Variants in LARGE1 observed in about 807,000 individuals in gnomAD.
The protein encoded by LARGE1 is LARGE xylosyl- and glucuronyltransferase 1.
Under a neutral mutation model 87.6 loss-of-function variants are expected in LARGE1, and 43 were observed. That is an observed-to-expected ratio of 0.49 (90% CI 0.38 to 0.63). The LOEUF is 0.63. Among genes scored for constraint, LARGE1 ranks in the 30% least tolerant of loss-of-function variants. The pLI is 0.00. For missense variants in LARGE1, 802 were observed against 1,000.2 expected, an observed-to-expected ratio of 0.80 and a Z score of 2.67; for synonymous variants, 434 against 394.6, an observed-to-expected ratio of 1.10 and a Z score of -1.18.
intron 11 of LARGE1, among the ~76,000 whole-genome samples, chr22:33,214,795 G>T (rs916075293): frequency 7.2e-5 from 11 of 152,264 alleles, no homozygotes; most frequent in African/African-American, 2.2e-4. Context: ...CCAACCTAAG[G>T]CAGAATTAGA....
intron 2 of LARGE1, among the ~76,000 whole-genome samples, chr22:33,719,293 C>T (rs1455430225): frequency 6.6e-6 from 1 of 152,112 alleles, no homozygotes; most frequent in Non-Finnish European, 1.5e-5. Context: ...ACTAATGTAG[C>T]ATGACTAAAG....
intron 9 of LARGE1, among the ~76,000 whole-genome samples, chr22:33,350,676 G>T (rs1051669633): frequency 5.3e-5 from 8 of 152,174 alleles, no homozygotes; most frequent in Non-Finnish European, 8.8e-5. Context: ...AGAGGCAGCT[G>T]TGCTTCCTGG....
intron 11 of LARGE1, among the ~76,000 whole-genome samples, chr22:33,236,865 A>G (rs137477): frequency 0.11 from 17,343 of 152,196 alleles, 1,521 homozygotes; most frequent in African/African-American, 0.25. Context: ...GAGAGACTTA[A>G]GTAAGCGTCC....
At chr22:33,072,655 A>T in the LARGE1 span, among the ~76,000 whole-genome samples, 1 of 152,166 alleles carries the variant, frequency 6.6e-6, no homozygotes, top group African/African-American at 2.4e-5. Flanking sequence ...GGAGATACTG[A>T]TACATAGCCT....
At chr22:33,585,694 T>C (rs368228063) in intron 5 of LARGE1, among the ~76,000 whole-genome samples, 2 of 152,130 alleles carry the variant, frequency 1.3e-5, no homozygotes, top group Non-Finnish European at 2.9e-5. Flanking sequence ...AATTAGTAGA[T>C]TGTTTAAGGC....
In LARGE1 at chr22:33,897,740, T is replaced by G. The variant is rs181822585; in HGVS notation, c.-83+22255A>C. Among the ~76,000 whole-genome samples the G allele has an allele frequency of 6.6e-5, 10 of 152,258 alleles. No homozygotes were observed. In the East Asian group the frequency reaches 1.4e-3, roughly 21 times the overall value. On this transcript the variant is annotated intron_variant, in intron 1 of 14. Coordinates refer to ENST00000397394, the MANE Select transcript of LARGE1 (RefSeq NM_133642.5). Reference sequence around the variant, plus strand: ...AGGGGACAAATAAAAATAAGTACATTAAGCACAATAAATCACAGGGACCTG... The same window carrying G: ...AGGGGACAAATAAAAATAAGTACATGAAGCACAATAAATCACAGGGACCTG...
At chr22:33,255,081 G>A (rs1416085863) in intron 11 of LARGE1, among the ~76,000 whole-genome samples, 1 of 148,586 alleles carries the variant, frequency 6.7e-6, no homozygotes, top group African/African-American at 2.4e-5. Context: ...GGGATTACAG[G>A]CGTCTGCCAC....
chr22:33,333,239 C>T (rs537074894), intron 10 of LARGE1, among the ~76,000 whole-genome samples: 57 of 152,098 alleles, frequency 3.7e-4, no homozygotes, highest in African/African-American at 1.3e-3. Context: ...AGGATGGTCT[C>T]GATCTCCTGA....
At chr22:33,369,582 T>C (rs745399728) in intron 9 of LARGE1, among the ~76,000 whole-genome samples, 83 of 152,198 alleles carry the variant, frequency 5.5e-4, no homozygotes, top group Non-Finnish European at 6.8e-4. Context: ...TTTTTATTTT[T>C]GAGACAGAGT....
chr22:33,104,953 C>CTCTTTT, the LARGE1 span, among the ~76,000 whole-genome samples: 1 of 126,830 alleles, frequency 7.9e-6, no homozygotes, highest in African/African-American at 3.0e-5. Context: ...CTTTCTCTTT[C>CTCTTTT]TCTCTTTCTC....
intron 11 of LARGE1, among the ~76,000 whole-genome samples, chr22:33,224,317 T>TAGATGAAC (rs1925617561): frequency 6.9e-6 from 1 of 144,530 alleles, no homozygotes; most frequent in African/African-American, 2.8e-5. Context: ...CAAAAAGTGC[T>TAGATGAAC]GGATAAATGC....
chr22:33,379,533 G>A (rs1405223515), intron 9 of LARGE1, among the ~76,000 whole-genome samples: 2 of 152,038 alleles, frequency 1.3e-5, no homozygotes, highest in Non-Finnish European at 2.9e-5. Flanking sequence ...ATTCACAATA[G>A]CAAAGACTTG....
chr22:33,752,577 C>A (rs1218375368), intron 2 of LARGE1, among the ~76,000 whole-genome samples: 2 of 152,138 alleles, frequency 1.3e-5, no homozygotes, highest in African/African-American at 4.8e-5. Flanking sequence ...AAATACAGTG[C>A]CTTTCTCATG....
chr22:33,437,362 T>C (rs2067307282), intron 6 of LARGE1, among the ~76,000 whole-genome samples: 1 of 152,210 alleles, frequency 6.6e-6, no homozygotes, highest in South Asian at 2.1e-4. Flanking sequence ...GCTCAAATCC[T>C]GGCTCTTCCA....
chr22:33,669,547 C>G (rs114431029), intron 2 of LARGE1, among the ~76,000 whole-genome samples: 1,817 of 152,292 alleles, frequency 0.012, 33 homozygotes, highest in African/African-American at 0.04. Context: ...TTCCTTGATA[C>G]TCATTGTTAT....
intron 4 of LARGE1, among the ~76,000 whole-genome samples, chr22:33,615,196 GA>G (rs2079547654): frequency 6.6e-6 from 1 of 151,992 alleles, no homozygotes; most frequent in Non-Finnish European, 1.5e-5. Context: ...CTTATACCTA[GA>G]TTTTTTTTTT....
chr22:33,766,590 A>G (rs1467318665), intron 1 of LARGE1, among the ~76,000 whole-genome samples: 2 of 151,760 alleles, frequency 1.3e-5, no homozygotes, highest in East Asian at 3.9e-4. Flanking sequence ...ACGTCCAGCT[A>G]TTTTTTGTAT....
chr22:33,663,397 G>T (rs145930672), intron 2 of LARGE1, among the ~76,000 whole-genome samples: 2 of 152,250 alleles, frequency 1.3e-5, no homozygotes, highest in African/African-American at 2.4e-5. Context: ...AAAGTAAGAA[G>T]AATAAAACTA....
At chr22:33,439,040 C>T (rs571352631) in intron 6 of LARGE1, among the ~76,000 whole-genome samples, 49 of 151,984 alleles carry the variant, frequency 3.2e-4, no homozygotes, top group Middle Eastern at 3.4e-3. Context: ...GTGAAACCCC[C>T]GCCTCTACTA....
Sources: gnomAD v4.1 joint callset for allele counts (sites outside exome capture counted in the v4.1 genomes callset) on GRCh38, gnomAD v4.1.1 for gene constraint, MANE v1.5 for transcripts, NCBI Gene and HGNC (gene_info 2026-07-23, HGNC 2026-07-21) for gene names.